Variants in ACY3 observed in about 807,000 individuals in gnomAD.
ACY3 encodes N-acyl-aromatic-L-amino acid amidohydrolase (carboxylate-forming).
In ACY3, 20 loss-of-function variants were observed where a neutral mutation model predicts 24.6. The ratio of observed to expected loss-of-function variants is 0.81; its 90% CI spans 0.57 to 1.18. The LOEUF is 1.18. ACY3 is among the 50% of genes most tolerant of loss of function. The pLI, the probability that ACY3 is intolerant of heterozygous loss-of-function variation, is 0.00. For missense variants in ACY3, 423 were observed against 426.8 expected (o/e 0.99, Z 0.08); for synonymous variants, 174 against 188.4 (o/e 0.92, Z 0.62).
intron 1 of ACY3, among the ~76,000 whole-genome samples, chr11:67,650,023 C>G (rs2134115516): frequency 6.6e-6 from 1 of 152,336 alleles, no homozygotes; most frequent in South Asian, 2.1e-4. Context: ...AGTGCCCTCT[C>G]TGGGCCTTGG....
intron 3 of ACY3, 80 bp from the exon 4 acceptor site, chr11:67,645,967 C>A (rs1565238678): frequency 7.1e-7 from 1 of 1,414,418 alleles, no homozygotes; most frequent in Non-Finnish European, 9.6e-7. Flanking sequence ...GGGGCAGGGG[C>A]CCTGCAGGAG....
chr11:67,647,848 C>A lies in ACY3; in HGVS notation c.-94-259G>T, dbSNP rs183012360. On this transcript the variant is annotated intron_variant, in intron 1 of 7. Coordinates refer to ENST00000255082, the MANE Select transcript of ACY3 (RefSeq NM_080658.2). ...TCCTTAACACTACTAAGAGGTACAC[C>A]CGCAGTGGGGTGGTGACTTGGTTTT... 7.7e-3 allele frequency among the ~76,000 whole-genome samples: 1,178 copies of A among 152,364 alleles called. 14 individuals are homozygous for A. The highest frequency in any genetic ancestry group is 8.3e-3 in the Non-Finnish European group (563 of 68,038).
intron 7 of ACY3, among the ~76,000 whole-genome samples, chr11:67,643,281 T>C (rs552303636): frequency 1.7e-4 from 26 of 152,366 alleles, no homozygotes; most frequent in African/African-American, 6.0e-4. Context: ...GTCTGTAAAA[T>C]AAGGATTACA....
rs1179102358 is a variant in ACY3 at position 67,650,575 on chromosome 11, G to A, written c.-95+8C>T. On this transcript the variant is annotated splice_region_variant and intron_variant, in intron 1 of 7. Transcript: ENST00000255082. ...GTGGGCCGCGGCACCTTCCCCGGGC[G>A]AACTCACCCACGTGGCCCCAGAGGG... 1 of 152,178 alleles carries A rather than the reference G, an allele frequency of 6.6e-6. No homozygotes were observed. Among genetic ancestry groups the A allele is most frequent in the Non-Finnish European group, 1.5e-5 (1 of 68,050 alleles). The allele number at this position is 152,178 out of a possible 1,614,324, so 9.4% of individuals were successfully genotyped here.
chr11:67,647,548 A>AGG lies in ACY3; in HGVS notation c.-55_-54dup, dbSNP rs1449213444. The AGG allele has an allele frequency of 6.6e-6, 1 of 151,978 alleles. No homozygotes were observed. The highest frequency in any genetic ancestry group is 1.5e-5 in the Non-Finnish European group (1 of 68,440). The allele number at this position is 151,978 out of a possible 1,614,324, so 9.4% of individuals were successfully genotyped here. On this transcript the variant is annotated 5_prime_UTR_variant, in exon 2 of 8. Transcript: ENST00000255082. ...GCGGATCTGGGCTTCCCGGGCCACC[A>AGG]GGACTGGCGTCTAACTCGCAGACAG...
At position 67,645,443 on chromosome 11, in the gene ACY3, A is replaced by G. The variant is rs1206001107; in HGVS notation, c.433-63T>C. The G allele has an allele frequency of 2.6e-6, 4 of 1,541,928 alleles. No individual in the cohort carries two copies. The Admixed American group carries it at 7.5e-5, about 29-fold the overall frequency. On this transcript the variant is annotated intron_variant, in intron 4 of 7. Coordinates refer to ENST00000255082, the MANE Select transcript of ACY3 (RefSeq NM_080658.2). ...CTTGGGAAGGGAAACTGAGGTGGGA[A>G]GGTGTTGCATGGAGGAAACACAGGG...
chr11:67,645,528 G>C (rs916837970), intron 4 of ACY3, 148 bp from the exon 5 acceptor site: 19 of 1,219,926 alleles, frequency 1.6e-5, no homozygotes, highest in South Asian at 3.1e-5. Flanking sequence ...AGGGGGTACC[G>C]GGGGCCTGGA....
At chr11:67,649,543 T>C (rs922346628) in intron 1 of ACY3, among the ~76,000 whole-genome samples, 1 of 151,030 alleles carries the variant, frequency 6.6e-6, no homozygotes, top group Non-Finnish European at 1.5e-5. Flanking sequence ...CGTGTGTGCA[T>C]GTGTGTGCAT....
intron 7 of ACY3, 108 bp downstream of exon 7, chr11:67,644,652 G>T: frequency 9.5e-7 from 1 of 1,056,844 alleles, no homozygotes; most frequent in Non-Finnish European, 1.4e-6. Context: ...GCTCGTGGGA[G>T]GCTTGGCTGC....
chr11:67,645,445 G>A, intron 4 of ACY3, 65 bp from the exon 5 acceptor site: 1 of 1,529,724 alleles, frequency 6.5e-7, no homozygotes, highest in Admixed American at 1.9e-5. Context: ...AGGTGGGAAG[G>A]TGTTGCATGG....
rs1380533581 is a variant in ACY3, at chr11:67,645,352, A to T, written c.461T>A (p.Val154Asp). 1 of 1,613,502 alleles carries T rather than the reference A, an allele frequency of 6.2e-7. No individual in the cohort carries two copies. Residue 154 changes from valine (V) to aspartate (D), a missense_variant, in exon 5 of 8, where the codon GTC becomes GAC. Physicochemically the swap from Val to Asp is radical, Grantham distance 152. Transcript: ENST00000255082. ...QLQYPELSCQVFLYQRSGEES... is the reference protein window; with the variant it reads ...QLQYPELSCQDFLYQRSGEES... ...CTCCCCAGACCGCTGGTACAGGAAG[A>T]CCTGGCAGGACAGCTCGGGGTACTG... is the stretch of plus-strand genomic sequence containing the variant.
intron 3 of ACY3, 27 bp downstream of exon 3, chr11:67,646,781 G>C (rs1008408230): frequency 1.2e-6 from 2 of 1,605,122 alleles, no homozygotes; most frequent in Middle Eastern, 3.3e-4. Flanking sequence ...CAACTGCCTG[G>C]GCCAACCTGG....
At chr11:67,645,980 A>C in intron 3 of ACY3, 93 bp from the exon 4 acceptor site, 1 of 1,288,018 alleles carries the variant, frequency 7.8e-7, no homozygotes, top group Non-Finnish European at 1.1e-6. Flanking sequence ...TGCAGGAGCC[A>C]CTCTGAGCAG....
At chr11:67,644,373 C>T (rs767389260) in intron 7 of ACY3, among the ~76,000 whole-genome samples, 2 of 152,172 alleles carry the variant, frequency 1.3e-5, no homozygotes, top group Non-Finnish European at 2.9e-5. Context: ...TGGGGATGCT[C>T]GAGGAACCAA....
chr11:67,642,905 G>A lies in ACY3; in HGVS notation c.779C>T (p.Pro260Leu). The A allele has an allele frequency of 1.4e-5, 23 of 1,613,978 alleles. No homozygotes were observed. The highest frequency in any genetic ancestry group is 1.9e-5 in the Non-Finnish European group (22 of 1,180,034). The change falls in exon 8 of 8, where the codon CCC (proline) becomes CTC (leucine). Residue 260 changes from proline to leucine, a missense_variant. Physicochemically the swap from Pro to Leu is moderately conservative, Grantham distance 98 (BLOSUM62 -3). Coordinates refer to ENST00000255082, the MANE Select transcript of ACY3 (RefSeq NM_080658.2). ...RDFQPLQPGA[P>L]IFQMFSGEDL... Reference sequence around the variant, plus strand: ...CTCCCCACTGAACATCTGGAAGATGGGAGCACCAGGCTGCAGTGGCTGGAA... The same window carrying A: ...CTCCCCACTGAACATCTGGAAGATGAGAGCACCAGGCTGCAGTGGCTGGAA...
rs759588553 is a variant in ACY3, at chr11:67,646,903, G to A, written c.141C>T (p.Ser47=). Residue 47 remains serine (S), a synonymous_variant, in exon 3 of 8, where the codon TCC becomes TCT. Coordinates refer to ENST00000255082, the MANE Select transcript of ACY3 (RefSeq NM_080658.2). The part of the protein sequence containing the change: ...APAELQRASF[S]AVPVLANPAA... The stretch of plus-strand genomic sequence containing the variant: ...CCGGGTTGGCCAGCACAGGCACAGC[G>A]GAGAAGCTGGCTCTCTGCAGCTCTG... 17 of 1,611,580 alleles carry A rather than the reference G, an allele frequency of 1.1e-5. No homozygotes were observed. Among genetic ancestry groups the A allele is most frequent in the Middle Eastern group, 1.7e-4 (1 of 6,054 alleles).
intron 1 of ACY3, among the ~76,000 whole-genome samples, chr11:67,648,947 C>T (rs889815521): frequency 1.3e-5 from 2 of 152,152 alleles, no homozygotes; most frequent in African/African-American, 2.4e-5. Context: ...GCCACTCCTC[C>T]TGGCACCTGG....
intron 7 of ACY3, 93 bp downstream of exon 7, chr11:67,644,667 C>G (rs967827864): frequency 2.4e-6 from 3 of 1,264,016 alleles, no homozygotes; most frequent in South Asian, 2.8e-5. Flanking sequence ...GGCTGCACCC[C>G]CTGGGGCTCA....
chr11:67,649,428 C>T (rs143775705), intron 1 of ACY3, among the ~76,000 whole-genome samples: 2 of 152,226 alleles, frequency 1.3e-5, no homozygotes, highest in African/African-American at 4.8e-5. Context: ...AGTTTCACTT[C>T]CCTTGGCTGG....
Sources: allele counts gnomAD v4.1 joint callset (sites outside exome capture counted in the v4.1 genomes callset), GRCh38; gene constraint gnomAD v4.1.1; transcripts MANE v1.5; gene names NCBI Gene and HGNC (gene_info 2026-07-23, HGNC 2026-07-21).